LINGO2: variants seen among roughly 807,000 people sequenced by gnomAD.
LINGO2 encodes leucine-rich repeat and immunoglobulin-like domain-containing nogo receptor-interacting protein 2.
Under a neutral mutation model 30.6 loss-of-function variants are expected in LINGO2, and 14 were observed. That is an observed-to-expected ratio of 0.46 (90% CI 0.30 to 0.72). The LOEUF is 0.72. Ranked by LOEUF, LINGO2 falls within the 30% of genes least tolerant of loss-of-function variation. LINGO2 has a pLI of 0.07. For missense variants in LINGO2, 729 were observed against 751.7 expected (o/e 0.97, Z 0.35); for synonymous variants, 317 against 288.5 (o/e 1.10, Z -1.00).
chr9:28,211,737 C>CTCTTCCT (rs1820599690), intron 4 of LINGO2, among the ~76,000 whole-genome samples: 1 of 151,460 alleles, frequency 6.6e-6, no homozygotes, highest in African/African-American at 2.4e-5. Flanking sequence ...TACCCACTCA[C>CTCTTCCT]TCTTCCTTCT....
intron 2 of LINGO2, among the ~76,000 whole-genome samples, chr9:28,437,634 C>G (rs1824008154): frequency 1.3e-5 from 2 of 151,878 alleles, no homozygotes; most frequent in African/African-American, 4.8e-5. Flanking sequence ...CTCTGGAAAA[C>G]CCTGACCAAT....
At chr9:28,882,549 A>G in the LINGO2 span, among the ~76,000 whole-genome samples, 2 of 152,234 alleles carry the variant, frequency 1.3e-5, no homozygotes, top group Admixed American at 6.5e-5. Flanking sequence ...GAACCAAGTT[A>G]GCAAATATTC....
chr9:28,971,111 A>T, the LINGO2 span, among the ~76,000 whole-genome samples: 1 of 152,166 alleles, frequency 6.6e-6, no homozygotes, highest in Non-Finnish European at 1.5e-5. Context: ...TTCCTGGACG[A>T]TATTTCCAGA....
the LINGO2 span, among the ~76,000 whole-genome samples, chr9:28,859,918 T>C: frequency 1.1e-4 from 16 of 152,062 alleles, no homozygotes; most frequent in Non-Finnish European, 2.2e-4. Flanking sequence ...TTTAAAAATA[T>C]TTAAACTCCA....
chr9:28,570,110 CAT>C (rs1472498008), intron 1 of LINGO2, among the ~76,000 whole-genome samples: 11 of 151,834 alleles, frequency 7.2e-5, no homozygotes, highest in Non-Finnish European at 1.3e-4. Flanking sequence ...TTAAAACAGA[CAT>C]ATGTGGCCAA....
At chr9:28,263,329 C>G (rs1332931650) in intron 4 of LINGO2, among the ~76,000 whole-genome samples, 1 of 151,776 alleles carries the variant, frequency 6.6e-6, no homozygotes, top group Non-Finnish European at 1.5e-5. Flanking sequence ...GATTAAAGAC[C>G]CTAATTACAC....
the LINGO2 span, among the ~76,000 whole-genome samples, chr9:29,126,683 G>A: frequency 1.3e-5 from 2 of 151,998 alleles, no homozygotes; most frequent in Non-Finnish European, 2.9e-5. Flanking sequence ...ATATGGGAAA[G>A]GGGGAAAGAA....
intron 4 of LINGO2, among the ~76,000 whole-genome samples, chr9:28,018,362 C>G (rs7858395): frequency 2.0e-5 from 3 of 151,886 alleles, no homozygotes; most frequent in African/African-American, 4.8e-5. Context: ...ACAAATGGGA[C>G]CTAATTAAAC....
intron 4 of LINGO2, among the ~76,000 whole-genome samples, chr9:28,221,860 T>C (rs1820978011): frequency 6.6e-6 from 1 of 152,192 alleles, no homozygotes; most frequent in Non-Finnish European, 1.5e-5. Context: ...CAACAGGATA[T>C]ACTAATTTCT....
chr9:28,728,268 A>G, the LINGO2 span, among the ~76,000 whole-genome samples: 9 of 152,214 alleles, frequency 5.9e-5, no homozygotes, highest in Non-Finnish European at 2.9e-5. Context: ...GCCCTAGAGA[A>G]AGACAGAAGA....
At chr9:29,173,898 T>C in the LINGO2 span, among the ~76,000 whole-genome samples, 9 of 152,114 alleles carry the variant, frequency 5.9e-5, no homozygotes, top group Admixed American at 1.3e-4. Context: ...TTTTACAACA[T>C]TGGCACACAG....
At chr9:28,343,018 G>C (rs1819416387) in intron 3 of LINGO2, among the ~76,000 whole-genome samples, 1 of 152,040 alleles carries the variant, frequency 6.6e-6, no homozygotes, top group Non-Finnish European at 1.5e-5. Context: ...TTGCAAAATT[G>C]GTTTAAACAT....
intron 1 of LINGO2, among the ~76,000 whole-genome samples, chr9:28,623,167 CT>C (rs1185168975): frequency 6.6e-6 from 1 of 151,834 alleles, no homozygotes; most frequent in African/African-American, 2.4e-5. Context: ...TGATTGATTC[CT>C]TTTTTGTGAA....
chr9:29,127,152 C>A, the LINGO2 span, among the ~76,000 whole-genome samples: 821 of 152,180 alleles, frequency 5.4e-3, 11 homozygotes, highest in African/African-American at 0.019. Context: ...AGTATTTAAG[C>A]CCCAGAAAAT....
intron 3 of LINGO2, among the ~76,000 whole-genome samples, chr9:28,300,127 A>G (rs76116188): frequency 5.2e-4 from 3 of 5,802 alleles, no homozygotes; most frequent in East Asian, 0.011. Flanking sequence ...TTTCTAATGG[A>G]AAAAAAAAAA....
downstream of LINGO2, among the ~76,000 whole-genome samples, chr9:27,944,966 G>T (rs1189403459): frequency 6.6e-6 from 1 of 152,116 alleles, no homozygotes; most frequent in Non-Finnish European, 1.5e-5. Flanking sequence ...AAGAAAACAG[G>T]ATTAACATGG....
downstream of LINGO2, among the ~76,000 whole-genome samples, chr9:27,945,874 A>G (rs766177054): frequency 2.0e-5 from 3 of 152,152 alleles, no homozygotes; most frequent in Non-Finnish European, 4.4e-5. Flanking sequence ...ATCCATTGCT[A>G]TGATGGATGC....
At chr9:28,036,189 G>A (rs1168043882) in intron 4 of LINGO2, among the ~76,000 whole-genome samples, 1 of 152,166 alleles carries the variant, frequency 6.6e-6, no homozygotes, top group African/African-American at 2.4e-5. Flanking sequence ...CCATTTGTAG[G>A]TGAAAAGGCA....
At chr9:28,200,767 A>G (rs918675308) in intron 4 of LINGO2, among the ~76,000 whole-genome samples, 2 of 152,238 alleles carry the variant, frequency 1.3e-5, no homozygotes, top group African/African-American at 4.8e-5. Flanking sequence ...AAATTTCTAT[A>G]TGCAGAATAA....
Sources: allele counts gnomAD v4.1 joint callset (sites outside exome capture counted in the v4.1 genomes callset), GRCh38; gene constraint gnomAD v4.1.1; transcripts MANE v1.5; gene names NCBI Gene and HGNC (gene_info 2026-07-23, HGNC 2026-07-21).